The following ZMIZ1 variants were observed in gnomAD, a reference collection of about 807,000 sequenced individuals.
ZMIZ1 encodes zinc finger MIZ-type containing 1.
In ZMIZ1, 17 loss-of-function variants were observed where a neutral mutation model predicts 113.9. That is an observed-to-expected ratio of 0.15 (90% CI 0.10 to 0.22). The LOEUF is 0.22. Ranked by LOEUF, ZMIZ1 falls within the 10% of genes least tolerant of loss-of-function variation. The probability of loss-of-function intolerance (pLI) is 1.00; values close to 1 mark genes in which losing one functional copy is unlikely to be tolerated. For missense variants in ZMIZ1, 1,059 were observed against 1,477.8 expected (o/e 0.72, Z 4.65); for synonymous variants, 607 against 603.1 (o/e 1.01, Z -0.09).
intron 2 of ZMIZ1, among the ~76,000 whole-genome samples, chr10:79,127,356 C>T (rs1021482155): frequency 6.6e-6 from 1 of 152,200 alleles, no homozygotes; most frequent in Non-Finnish European, 1.5e-5. Context: ...CCATGGGCTC[C>T]TTGGACTACA....
At chr10:79,303,922 C>A in intron 18 of ZMIZ1, 93 bp from the exon 19 acceptor site, 1 of 1,534,432 alleles carries the variant, frequency 6.5e-7, no homozygotes, top group Non-Finnish European at 8.9e-7. Flanking sequence ...GGACATGCCC[C>A]AGCTGCACGA....
chr10:79,298,466 C>G lies in ZMIZ1; in HGVS notation c.1552C>G (p.Pro518Ala), dbSNP rs769721097. 3 of 1,605,356 alleles carry G rather than the reference C, an allele frequency of 1.9e-6. No individual in the cohort carries two copies. Among genetic ancestry groups the G allele is most frequent in the Admixed American group, 1.7e-5 (1 of 58,414 alleles). The change falls in exon 15 of 25, where the codon CCC (proline) becomes GCC (alanine). Residue 518 changes from proline (P) to alanine (A), a missense_variant. Pro to Ala is a conservative substitution (Grantham distance 27). This residue lies in a region of ZMIZ1 where 239 missense variants were observed against 247.5 expected (regional missense o/e 0.97). Transcript: ENST00000334512. ...CTCACCTGTTCCAGGGAACCCCACA[C>G]CCCCCATGACCCCTGGGAGCAGCAT... ...PHSPVPGNPT[P>A]PMTPGSSIPP...
At chr10:79,159,431 G>C (rs1256442837) in intron 3 of ZMIZ1, among the ~76,000 whole-genome samples, 1 of 152,170 alleles carries the variant, frequency 6.6e-6, no homozygotes, top group African/African-American at 2.4e-5. Flanking sequence ...CCCTGAGCAG[G>C]GCTGCTGAGC....
rs1388343335 is a variant in ZMIZ1, at chr10:79,206,076, C to T, written c.61-2260C>T. Among the ~76,000 whole-genome samples, 6 of 151,942 alleles carry T rather than the reference C, an allele frequency of 3.9e-5. No individual in the cohort carries two copies. The East Asian group carries it at 1.2e-3, about 29-fold the overall frequency. ...TGAGCTATGATCGCACCACTACCCC[C>T]CAGCCTGGGTGACAGAATGAGACCC... On this transcript the variant is annotated intron_variant, in intron 5 of 24. Transcript: ENST00000334512.
In ZMIZ1 at chr10:79,293,884, G is replaced by A. The variant is rs1853691996; in HGVS notation, c.1230+231G>A. On this transcript the variant is annotated intron_variant, in intron 12 of 24. Coordinates refer to ENST00000334512, the MANE Select transcript of ZMIZ1 (RefSeq NM_020338.4). ...CCTCCTAGGGCTGCTTGAGGGACTT[G>A]AGGAGGTGTCCGTGAAGTGCTTGGC... The A allele has an allele frequency of 7.7e-6, 5 of 650,466 alleles. No homozygotes were observed. The Admixed American group carries it at 8.2e-5, about 11-fold the overall frequency. 40.3% of individuals were successfully genotyped at this position (650,466 alleles called of 1,614,324 possible). A position where few individuals can be genotyped will look rare whatever the true frequency, so the allele number is the denominator to read the frequency against.
chr10:79,301,091 C>T (rs1854269690), intron 17 of ZMIZ1, 149 bp downstream of exon 17: 4 of 1,214,850 alleles, frequency 3.3e-6, no homozygotes, highest in Non-Finnish European at 4.6e-6. Context: ...ACAGCGTCCC[C>T]TTACCTGTGC....
chr10:79,088,153 G>A (rs1842872189), intron 1 of ZMIZ1, among the ~76,000 whole-genome samples: 1 of 152,252 alleles, frequency 6.6e-6, no homozygotes, highest in Non-Finnish European at 1.5e-5. Flanking sequence ...AGAGATGGCT[G>A]GGCCATGCCA....
In ZMIZ1 at chr10:79,139,755, A is replaced by C; in HGVS notation, c.-153A>C. ...GTGAGGAGAGGAGCCGCTGTTTTTC[A>C]CTGAGCTGCCATACCCCGAAAGGTA... On this transcript the variant is annotated 5_prime_UTR_variant, in exon 3 of 25. Transcript: ENST00000334512. The C allele has an allele frequency of 5.0e-6, 2 of 398,684 alleles. No individual in the cohort carries two copies. Among genetic ancestry groups the C allele is most frequent in the Admixed American group, 4.4e-5 (1 of 22,732 alleles). The allele number at this position is 398,684 out of a possible 1,614,324, so 24.7% of individuals were successfully genotyped here.
chr10:79,125,828 T>C (rs569725349), intron 2 of ZMIZ1, among the ~76,000 whole-genome samples: 1 of 152,232 alleles, frequency 6.6e-6, no homozygotes, highest in East Asian at 1.9e-4. Flanking sequence ...GGCCCAGAGA[T>C]AGGAGGGCAT....
intron 1 of ZMIZ1, among the ~76,000 whole-genome samples, chr10:79,099,560 C>G (rs553482358): frequency 1.3e-5 from 2 of 152,190 alleles, no homozygotes; most frequent in South Asian, 2.1e-4. Context: ...GCGGTGGCCT[C>G]TGGGCCCAGG....
At chr10:79,283,936 G>T (rs1225562690) in intron 8 of ZMIZ1, among the ~76,000 whole-genome samples, 2 of 152,254 alleles carry the variant, frequency 1.3e-5, no homozygotes, top group African/African-American at 4.8e-5. Context: ...TAACACTACA[G>T]CCTTGCACGG....
At chr10:79,306,481 A>G (rs945064664) in intron 22 of ZMIZ1, 137 bp downstream of exon 22, 1 of 1,424,194 alleles carries the variant, frequency 7.0e-7, no homozygotes, top group Non-Finnish European at 9.4e-7. Context: ...CCCCCAAAAA[A>G]CAATTCCCAG....
intron 4 of ZMIZ1, among the ~76,000 whole-genome samples, chr10:79,198,994 A>G (rs2132644258): frequency 6.6e-6 from 1 of 151,454 alleles, no homozygotes; most frequent in African/African-American, 2.4e-5. Flanking sequence ...AGATCACGCC[A>G]TTGCACTCCG....
At chr10:79,194,345 T>C (rs1847744286) in intron 4 of ZMIZ1, among the ~76,000 whole-genome samples, 1 of 152,228 alleles carries the variant, frequency 6.6e-6, no homozygotes, top group South Asian at 2.1e-4. Flanking sequence ...TGCAGACGCC[T>C]CTCTCTGGGT....
At chr10:79,083,684 G>A (rs1416698451) in intron 1 of ZMIZ1, among the ~76,000 whole-genome samples, 2 of 152,178 alleles carry the variant, frequency 1.3e-5, no homozygotes, top group East Asian at 1.9e-4. Flanking sequence ...GGATGCTGGC[G>A]GCTTGGACCA....
intron 5 of ZMIZ1, among the ~76,000 whole-genome samples, chr10:79,202,966 T>G (rs1848164048): frequency 6.6e-6 from 1 of 152,154 alleles, no homozygotes; most frequent in African/African-American, 2.4e-5. Flanking sequence ...TAGGATGCTG[T>G]GAGGATGTTG....
chr10:79,237,049 A>C lies in ZMIZ1; in HGVS notation c.280+20775A>C, dbSNP rs939113770. Among the ~76,000 whole-genome samples, 751 of 152,314 alleles carry C rather than the reference A, an allele frequency of 4.9e-3. 6 individuals carry two copies. Among genetic ancestry groups the C allele is most frequent in the African/African-American group, 0.017 (707 of 41,572 alleles). On this transcript the variant is annotated intron_variant, in intron 7 of 24. Transcript: ENST00000334512. The stretch of plus-strand genomic sequence containing the variant: ...GTCAGTGTGGTGGCGGGGGCTCCCC[A>C]GTCAAGGGGTCCCCCGAGGGAAAGC...
At chr10:79,093,318 T>C (rs1243729073) in intron 1 of ZMIZ1, among the ~76,000 whole-genome samples, 4 of 72,508 alleles carry the variant, frequency 5.5e-5, no homozygotes, top group Non-Finnish European at 1.0e-4. Flanking sequence ...TATTTATTTA[T>C]TTATTTATTT....
intron 4 of ZMIZ1, among the ~76,000 whole-genome samples, chr10:79,172,786 A>G (rs1199493748): frequency 3.9e-5 from 6 of 152,242 alleles, no homozygotes; most frequent in Admixed American, 3.3e-4. Flanking sequence ...GTTTTCCATT[A>G]TCAAACTTTA....
Sources: allele counts gnomAD v4.1 joint callset (sites outside exome capture counted in the v4.1 genomes callset), GRCh38; gene constraint gnomAD v4.1.1; regional missense constraint gnomAD v4.1.1; transcripts MANE v1.5; gene names NCBI Gene and HGNC (gene_info 2026-07-23, HGNC 2026-07-21).